The following BRINP3 variants were observed in gnomAD, a reference collection of about 807,000 sequenced individuals.
BRINP3 encodes the protein BMP/retinoic acid inducible neural specific 3, also known as BMP/retinoic acid-inducible neural-specific protein 3.
A neutral mutation model predicts 71.0 loss-of-function variants in BRINP3; 19 were observed. That is an observed-to-expected ratio of 0.27 (90% CI 0.19 to 0.39). BRINP3 has a LOEUF of 0.39. Ranked by LOEUF, BRINP3 falls within the 10% of genes least tolerant of loss-of-function variation. The pLI, the probability that BRINP3 is intolerant of heterozygous loss-of-function variation, is 1.00. For missense variants in BRINP3, 959 were observed against 940.8 expected, an observed-to-expected ratio of 1.02 and a Z score of -0.25; for synonymous variants, 380 against 337.7, an observed-to-expected ratio of 1.13 and a Z score of -1.37.
At chr1:190,279,395 C>A (rs1037403672) in intron 3 of BRINP3, among the ~76,000 whole-genome samples, 4 of 151,768 alleles carry the variant, frequency 2.6e-5, no homozygotes, top group African/African-American at 4.8e-5. Flanking sequence ...CTTTCTATGT[C>A]CCATCACATA....
chr1:190,156,655 G>C (rs1180964213), intron 7 of BRINP3, among the ~76,000 whole-genome samples: 1 of 151,864 alleles, frequency 6.6e-6, no homozygotes, highest in Non-Finnish European at 1.5e-5. Context: ...AATTTATCTA[G>C]CAAGAAGTCT....
chr1:190,450,313 A>G (rs1675522162), intron 2 of BRINP3, among the ~76,000 whole-genome samples: 1 of 152,210 alleles, frequency 6.6e-6, no homozygotes. Context: ...CATCTGAAGT[A>G]TTAAAATATG....
At chr1:190,197,165 C>T (rs1440838978) in intron 6 of BRINP3, among the ~76,000 whole-genome samples, 5 of 151,474 alleles carry the variant, frequency 3.3e-5, no homozygotes, top group Admixed American at 6.6e-5. Context: ...TAGGAGAACT[C>T]CCCTTTATAA....
intron 6 of BRINP3, among the ~76,000 whole-genome samples, chr1:190,218,246 G>A (rs950832062): frequency 6.6e-6 from 1 of 151,788 alleles, no homozygotes; most frequent in Non-Finnish European, 1.5e-5. Context: ...ATTCATAATA[G>A]TACAGGTAAG....
chr1:190,326,779 T>A (rs1177566533), intron 2 of BRINP3, among the ~76,000 whole-genome samples: 1 of 152,044 alleles, frequency 6.6e-6, no homozygotes, highest in Non-Finnish European at 1.5e-5. Context: ...ATTAAACCCA[T>A]CTTACAAGAG....
intron 2 of BRINP3, among the ~76,000 whole-genome samples, chr1:190,439,938 C>T (rs1305607703): frequency 6.6e-6 from 1 of 151,646 alleles, no homozygotes; most frequent in Non-Finnish European, 1.5e-5. Context: ...AGTCATAGTG[C>T]ATTAGTTTTC....
chr1:190,468,092 T>C (rs1451238614), intron 1 of BRINP3, among the ~76,000 whole-genome samples: 1 of 151,350 alleles, frequency 6.6e-6, no homozygotes, highest in Non-Finnish European at 1.5e-5. Context: ...TATTTAGTAA[T>C]AAATACATTT....
chr1:190,116,354 A>G (rs1653136604), intron 7 of BRINP3, among the ~76,000 whole-genome samples: 2 of 152,082 alleles, frequency 1.3e-5, no homozygotes, highest in Admixed American at 1.3e-4. Flanking sequence ...AAGTGGGAAT[A>G]CACATACTTT....
At chr1:190,138,677 T>G (rs1455175409) in intron 7 of BRINP3, among the ~76,000 whole-genome samples, 1 of 152,110 alleles carries the variant, frequency 6.6e-6, no homozygotes, top group African/African-American at 2.4e-5. Context: ...GCAGTCCACC[T>G]GCAGAGTTGC....
At chr1:190,418,564 C>A (rs777140116) in intron 2 of BRINP3, among the ~76,000 whole-genome samples, 7 of 152,054 alleles carry the variant, frequency 4.6e-5, no homozygotes, top group Admixed American at 6.6e-5. Context: ...ATGATAAAAA[C>A]CACCCAAAAT....
At chr1:190,278,587 A>G (rs1261300937) in intron 3 of BRINP3, among the ~76,000 whole-genome samples, 3 of 151,694 alleles carry the variant, frequency 2.0e-5, no homozygotes, top group African/African-American at 4.8e-5. Flanking sequence ...TGAATTATTA[A>G]CTTTAATGAA....
intron 2 of BRINP3, among the ~76,000 whole-genome samples, chr1:190,369,683 A>G (rs1669734598): frequency 6.6e-6 from 1 of 151,950 alleles, no homozygotes; most frequent in Non-Finnish European, 1.5e-5. Flanking sequence ...TGTTTTTTTA[A>G]TAGATAGAGT....
chr1:190,260,106 CA>C (rs1263716052), intron 4 of BRINP3, among the ~76,000 whole-genome samples: 1 of 145,032 alleles, frequency 6.9e-6, no homozygotes, highest in Non-Finnish European at 1.5e-5. Context: ...AAAGCAAAAA[CA>C]GAGTGGTTAC....
intron 6 of BRINP3, among the ~76,000 whole-genome samples, chr1:190,214,842 T>TA (rs1400702494): frequency 6.6e-6 from 1 of 151,964 alleles, no homozygotes; most frequent in African/African-American, 2.4e-5. Context: ...AGCCTGTCCT[T>TA]AATGACAGAC....
At chr1:190,105,139 C>G (rs1652041666) in intron 7 of BRINP3, among the ~76,000 whole-genome samples, 1 of 152,060 alleles carries the variant, frequency 6.6e-6, no homozygotes, top group Admixed American at 6.6e-5. Flanking sequence ...GACTCTTGCT[C>G]TGGCCATCTC....
At chr1:190,265,180 G>T in intron 3 of BRINP3, 125 bp from the exon 4 acceptor site, 1 of 802,220 alleles carries the variant, frequency 1.2e-6, no homozygotes, top group Non-Finnish European at 1.8e-6. Context: ...TGCCAAAAGG[G>T]CAAGGGGTTT....
intron 3 of BRINP3, 150 bp from the exon 4 acceptor site, chr1:190,265,205 G>A: frequency 1.5e-6 from 1 of 675,374 alleles, no homozygotes; most frequent in African/African-American, 1.9e-5. Context: ...TTTGGTCACA[G>A]ATATTTCTCA....
chr1:190,220,195 A>G (rs910148071), intron 6 of BRINP3, among the ~76,000 whole-genome samples: 7 of 152,252 alleles, frequency 4.6e-5, no homozygotes, highest in African/African-American at 9.6e-5. Context: ...GAATCCTAAA[A>G]GCAGCAAGAG....
At chr1:190,244,295 T>C (rs1558101961) in intron 4 of BRINP3, among the ~76,000 whole-genome samples, 3 of 152,052 alleles carry the variant, frequency 2.0e-5, no homozygotes, top group Admixed American at 1.3e-4. Flanking sequence ...GGAAGCAAAA[T>C]GTCACACTAA....
Sources: gnomAD v4.1 joint callset for allele counts (sites outside exome capture counted in the v4.1 genomes callset) on GRCh38, gnomAD v4.1.1 for gene constraint, MANE v1.5 for transcripts, NCBI Gene and HGNC (gene_info 2026-07-23, HGNC 2026-07-21) for gene names.